Variants in IPO7 observed in about 807,000 individuals in gnomAD.
IPO7 encodes the protein importin 7, also known as importin-7.
In IPO7, 13 loss-of-function variants were observed where a neutral mutation model predicts 136.4. That is an observed-to-expected ratio of 0.10 (90% CI 0.06 to 0.15). IPO7 has a LOEUF of 0.15. IPO7 is among the 10% of genes least tolerant of loss of function. IPO7 has a pLI of 1.00. For synonymous variants in IPO7, 403 were observed against 404.4 expected (o/e 1.00, Z 0.04); for missense variants, 857 against 1,240.6 (o/e 0.69, Z 4.65).
Position 9,409,961 on chromosome 11 carries a change from C to T in IPO7, c.354C>T (p.Ile118=). Residue 118 remains isoleucine, a synonymous_variant, in exon 4 of 25, where the codon ATC becomes ATT. Coordinates refer to ENST00000379719, the MANE Select transcript of IPO7 (RefSeq NM_006391.3). The stretch of plus-strand genomic sequence containing the variant: ...TTACTACATGCATTCATCACATCAT[C>T]AAACATGATTATCCAAGCCGCTGGA... The part of the protein sequence containing the change: ...VQLTTCIHHI[I]KHDYPSRWTA... The T allele has an allele frequency of 6.3e-7, 1 of 1,584,840 alleles. No individual in the cohort carries two copies. The highest frequency in any genetic ancestry group is 8.6e-7 in the Non-Finnish European group (1 of 1,167,200).
intron 8 of IPO7, among the ~76,000 whole-genome samples, chr11:9,422,424 A>G (rs1855146926): frequency 6.6e-6 from 1 of 151,982 alleles, no homozygotes; most frequent in Non-Finnish European, 1.5e-5. Context: ...TTTTTTAAAA[A>G]AAGACAATAT....
At chr11:9,437,627 C>T (rs555650212) in intron 20 of IPO7, 127 bp from the exon 21 acceptor site, 4 of 680,262 alleles carry the variant, frequency 5.9e-6, no homozygotes, top group Non-Finnish European at 9.9e-6. Context: ...TGCAGTGCCT[C>T]AGCAGTAAAT....
At chr11:9,406,302 C>T (rs1854886556) in intron 2 of IPO7, among the ~76,000 whole-genome samples, 2 of 151,654 alleles carry the variant, frequency 1.3e-5, no homozygotes, top group East Asian at 3.9e-4. Flanking sequence ...TGTGCCTGGT[C>T]TTGTTTCTTT....
chr11:9,392,613 A>G (rs773597412), intron 1 of IPO7, among the ~76,000 whole-genome samples: 2 of 152,162 alleles, frequency 1.3e-5, no homozygotes, highest in Non-Finnish European at 2.9e-5. Flanking sequence ...TAGCTAATTG[A>G]AAGTCTCTTT....
In IPO7 at chr11:9,434,938, G is replaced by T. The variant is rs1269131265; in HGVS notation, c.2079G>T (p.Met693Ile). The change falls in exon 19 of 25, where the codon ATG becomes ATT. Residue 693 changes from methionine (M) to isoleucine (I), a missense_variant. Met to Ile is a conservative substitution (Grantham distance 10). Around this residue, in one of 11 missense-constraint regions of IPO7, gnomAD observed 190 missense variants for 249.0 expected, o/e 0.76. Coordinates refer to ENST00000379719, the MANE Select transcript of IPO7 (RefSeq NM_006391.3). Reference sequence around the variant, plus strand: ...CGATGTTTTTTATTAATACAGATATGATGCCCCTCCTTCATAATTATGTAA... The same window carrying T: ...CGATGTTTTTTATTAATACAGATATTATGCCCCTCCTTCATAATTATGTAA... The part of the protein sequence containing the change: ...QQDGFDYFTD[M>I]MPLLHNYVTV... The T allele has an allele frequency of 3.8e-6, 6 of 1,568,952 alleles. No homozygotes were observed. Among genetic ancestry groups the T allele is most frequent in the Non-Finnish European group, 5.3e-6 (6 of 1,140,140 alleles).
intron 1 of IPO7, among the ~76,000 whole-genome samples, chr11:9,386,951 T>C: frequency 6.6e-6 from 1 of 152,358 alleles, no homozygotes; most frequent in East Asian, 1.9e-4. Flanking sequence ...AGGTAAATTT[T>C]CTATTAGTAT....
intron 1 of IPO7, among the ~76,000 whole-genome samples, chr11:9,386,703 A>G (rs1169206576): frequency 6.6e-6 from 1 of 152,216 alleles, no homozygotes; most frequent in East Asian, 1.9e-4. Context: ...ATCTTGTAGT[A>G]GAAACCTGGG....
chr11:9,417,196 G>A (rs374534237), intron 6 of IPO7, 48 bp downstream of exon 6: 1 of 836,522 alleles, frequency 1.2e-6, no homozygotes. Flanking sequence ...AATATTTAAT[G>A]ATCTTTTGAA....
chr11:9,425,139 A>C lies in IPO7; in HGVS notation c.1219-7A>C. The C allele has an allele frequency of 6.4e-7, 1 of 1,558,370 alleles. No homozygotes were observed. Among genetic ancestry groups the C allele is most frequent in the Non-Finnish European group, 8.8e-7 (1 of 1,131,076 alleles). On this transcript the variant is annotated splice_polypyrimidine_tract_variant and splice_region_variant and intron_variant, in intron 11 of 24. Transcript: ENST00000379719. ...TTCAGTAACAATACTTTTCTCTTTT[A>C]ATCTAGGTACTGCAAAAGACTATGG...
intron 1 of IPO7, among the ~76,000 whole-genome samples, chr11:9,398,395 AG>A (rs1156430215): frequency 1.3e-5 from 2 of 152,240 alleles, no homozygotes; most frequent in Non-Finnish European, 2.9e-5. Flanking sequence ...TGAGAGCAAT[AG>A]GGAGCCCTAC....
intron 1 of IPO7, among the ~76,000 whole-genome samples, chr11:9,400,489 T>C (rs1465020863): frequency 1.3e-5 from 2 of 152,026 alleles, no homozygotes; most frequent in African/African-American, 2.4e-5. Flanking sequence ...TGGCGCGATC[T>C]CGGCTCACTG....
chr11:9,414,167 A>T, intron 4 of IPO7, 88 bp from the exon 5 acceptor site: 1 of 941,708 alleles, frequency 1.1e-6, no homozygotes, highest in Non-Finnish European at 1.5e-6. Context: ...GTATTTGATT[A>T]TATTTGTGTA....
chr11:9,414,429 G>A lies in IPO7; in HGVS notation c.636+18G>A, dbSNP rs969166121. The stretch of plus-strand genomic sequence containing the variant: ...TTGTTCAGGTAATATCTGTGAAGCA[G>A]TTTTTATGCATAAAAAGTTAGTCTG... On this transcript the variant is annotated intron_variant, in intron 5 of 24. Transcript: ENST00000379719. 29 of 1,514,044 alleles carry A rather than the reference G, an allele frequency of 1.9e-5. No homozygotes were observed. Among genetic ancestry groups the A allele is most frequent in the Non-Finnish European group, 2.5e-5 (28 of 1,119,234 alleles). 93.8% of individuals were successfully genotyped at this position (1,514,044 alleles called of 1,614,324 possible). A position where few individuals can be genotyped will look rare whatever the true frequency, so the allele number is the denominator to read the frequency against.
chr11:9,389,273 T>G (rs1775829566), intron 1 of IPO7, among the ~76,000 whole-genome samples: 1 of 152,118 alleles, frequency 6.6e-6, no homozygotes, highest in South Asian at 2.1e-4. Context: ...GGTCTCGAAC[T>G]CCTGACCTTA....
chr11:9,423,131 C>A lies in IPO7; in HGVS notation c.1032C>A (p.Pro344=), dbSNP rs746606683. The A allele has an allele frequency of 1.3e-6, 2 of 1,550,276 alleles. No homozygotes were observed. The highest frequency in any genetic ancestry group is 2.2e-5 in the East Asian group (1 of 44,510). The stretch of plus-strand genomic sequence containing the variant: ...CTCTCACCTGGAAGAATCTGAAGCC[C>A]CATATACAAGTAATAATTTTTATCT... ...SHALTWKNLK[P]HIQGIIQDVI... is the part of the protein sequence containing the mutation. Residue 344 remains proline, a synonymous_variant, in exon 9 of 25, where the codon CCC becomes CCA. Transcript: ENST00000379719.
intron 24 of IPO7, 43 bp downstream of exon 24, chr11:9,442,240 A>C (rs377157306): frequency 7.1e-5 from 60 of 848,624 alleles, no homozygotes; most frequent in Non-Finnish European, 1.0e-4. Context: ...AGTGACTTTT[A>C]TAGGTTTAAA....
intron 24 of IPO7, among the ~76,000 whole-genome samples, chr11:9,444,346 G>C (rs969883754): frequency 6.6e-6 from 1 of 150,858 alleles, no homozygotes; most frequent in African/African-American, 2.4e-5. Flanking sequence ...ATTATCTATA[G>C]ACTTTTTTTT....
chr11:9,428,922 A>C (rs201676714), intron 13 of IPO7, 109 bp from the exon 14 acceptor site: 1 of 954,758 alleles, frequency 1.0e-6, no homozygotes, highest in Non-Finnish European at 1.7e-6. Flanking sequence ...GGACACATCT[A>C]CCACTGGCCA....
intron 20 of IPO7, among the ~76,000 whole-genome samples, chr11:9,436,660 G>T (rs1321630526): frequency 6.7e-6 from 1 of 149,796 alleles, no homozygotes; most frequent in Non-Finnish European, 1.5e-5. Flanking sequence ...TTTTTTGTTT[G>T]TTTGTTTTGT....
Sources: allele counts gnomAD v4.1 joint callset (sites outside exome capture counted in the v4.1 genomes callset), GRCh38; gene constraint gnomAD v4.1.1; regional missense constraint gnomAD v4.1.1; transcripts MANE v1.5; gene names NCBI Gene and HGNC (gene_info 2026-07-23, HGNC 2026-07-21).